The following AGBL4 variants were observed in gnomAD, a reference collection of about 807,000 sequenced individuals.
AGBL4 encodes the protein cytosolic carboxypeptidase 6.
A neutral mutation model predicts 66.4 loss-of-function variants in AGBL4; 58 were observed. That is an observed-to-expected ratio of 0.87 (90% CI 0.71 to 1.09). The LOEUF (loss-of-function observed/expected upper bound fraction) is 1.09. Ranked by LOEUF, AGBL4 falls within the 50% of genes least tolerant of loss-of-function variation. AGBL4 has a pLI of 0.00. For missense variants in AGBL4, 579 were observed against 631.0 expected, an observed-to-expected ratio of 0.92 and a Z score of 0.88; for synonymous variants, 234 against 222.9, an observed-to-expected ratio of 1.05 and a Z score of -0.44.
intron 3 of AGBL4, among the ~76,000 whole-genome samples, chr1:49,364,836 G>A (rs1277538996): frequency 4.6e-5 from 7 of 152,170 alleles, no homozygotes; most frequent in African/African-American, 1.7e-4. Context: ...GATAAATTAA[G>A]TAATTGCCAA....
intron 5 of AGBL4, among the ~76,000 whole-genome samples, chr1:48,907,850 G>A (rs1359762845): frequency 6.6e-6 from 1 of 152,160 alleles, no homozygotes; most frequent in Non-Finnish European, 1.5e-5. Context: ...CTGGAAGAGA[G>A]CTCAGAAGGG....
At chr1:49,291,641 T>C (rs1177301686) in intron 3 of AGBL4, among the ~76,000 whole-genome samples, 1 of 152,186 alleles carries the variant, frequency 6.6e-6, no homozygotes, top group Non-Finnish European at 1.5e-5. Flanking sequence ...TTAGAGAGTA[T>C]TAATTGGAAG....
At chr1:49,877,718 A>C (rs1647062848) in intron 1 of AGBL4, among the ~76,000 whole-genome samples, 1 of 151,694 alleles carries the variant, frequency 6.6e-6, no homozygotes, top group Admixed American at 6.6e-5. Flanking sequence ...TGATTGGAAT[A>C]GTTTCAGAAG....
At chr1:49,987,752 T>C (rs1348707855) in intron 1 of AGBL4, among the ~76,000 whole-genome samples, 6 of 151,944 alleles carry the variant, frequency 3.9e-5, no homozygotes, top group Non-Finnish European at 5.9e-5. Context: ...ATAAACTTTT[T>C]CACCCAATTT....
At position 48,748,794 on chromosome 1, in the gene AGBL4, C is replaced by T. The variant is rs186252554; in HGVS notation, c.635-85553G>A. 2.4e-3 allele frequency among the ~76,000 whole-genome samples: 359 copies of T among 151,904 alleles called. 3 individuals carry two copies. Among genetic ancestry groups the T allele is most frequent in the Non-Finnish European group, 3.6e-3 (242 of 67,986 alleles). On this transcript the variant is annotated intron_variant, in intron 6 of 13. Transcript: ENST00000371839. ...TCTGACTGGGGCTTTGATGGATGCGCGACATCTTGGGGAGGTGGGGGAGTA... is the reference window on the plus strand; with the variant it reads ...TCTGACTGGGGCTTTGATGGATGCGTGACATCTTGGGGAGGTGGGGGAGTA...
chr1:49,996,334 A>G (rs1203788182), intron 1 of AGBL4: 1 of 152,178 alleles, frequency 6.6e-6, no homozygotes, highest in East Asian at 1.9e-4. Context: ...ATATGGATGG[A>G]AAAATCCCCA....
At chr1:48,611,149 G>A (rs1465580810) in intron 9 of AGBL4, among the ~76,000 whole-genome samples, 4 of 152,206 alleles carry the variant, frequency 2.6e-5, no homozygotes, top group South Asian at 2.1e-4. Flanking sequence ...TGTGAAAAAC[G>A]GATAGGCCGC....
chr1:48,715,679 T>C (rs1367783921), intron 6 of AGBL4, among the ~76,000 whole-genome samples: 1 of 106,922 alleles, frequency 9.4e-6, no homozygotes. Flanking sequence ...ACAAATGCCT[T>C]TAACACAGTG....
chr1:49,148,743 C>A (rs1336799312), intron 4 of AGBL4, among the ~76,000 whole-genome samples: 1 of 152,172 alleles, frequency 6.6e-6, no homozygotes, highest in African/African-American at 2.4e-5. Context: ...CATATCTCAG[C>A]CCTCCTTTCT....
At chr1:49,894,268 G>C (rs1648950381) in intron 1 of AGBL4, among the ~76,000 whole-genome samples, 1 of 151,894 alleles carries the variant, frequency 6.6e-6, no homozygotes, top group African/African-American at 2.4e-5. Flanking sequence ...AATAAGCCTA[G>C]ATTGCAAAGA....
intron 4 of AGBL4, among the ~76,000 whole-genome samples, chr1:49,131,482 T>C (rs1645895179): frequency 6.6e-6 from 1 of 151,994 alleles, no homozygotes. Context: ...GAAGTAACAG[T>C]GTGATAACTG....
chr1:49,608,316 T>G (rs935528765), intron 3 of AGBL4, among the ~76,000 whole-genome samples: 5 of 152,318 alleles, frequency 3.3e-5, no homozygotes, highest in Middle Eastern at 3.4e-3. Flanking sequence ...ATTCTGAATT[T>G]TTTGTTTTAC....
chr1:49,980,615 CTGAG>C (rs1282457526), intron 1 of AGBL4, among the ~76,000 whole-genome samples: 1 of 152,090 alleles, frequency 6.6e-6, no homozygotes, highest in African/African-American at 2.4e-5. Flanking sequence ...CTTTCTAAGA[CTGAG>C]TAATATTCTA....
chr1:49,569,056 G>GAATGAAATCTTGTCATA (rs1553229299), intron 3 of AGBL4, among the ~76,000 whole-genome samples: 1 of 152,204 alleles, frequency 6.6e-6, no homozygotes, highest in Non-Finnish European at 1.5e-5. Flanking sequence ...CCATGAAAGA[G>GAATGAAATCTTGTCATA]AATGAAATCT....
intron 3 of AGBL4, among the ~76,000 whole-genome samples, chr1:49,498,765 G>A (rs1220420231): frequency 4.0e-5 from 6 of 151,824 alleles, no homozygotes; most frequent in Non-Finnish European, 8.8e-5. Flanking sequence ...CTTGTTGATG[G>A]TGTTTATCAT....
In AGBL4 at chr1:49,513,380, A is replaced by G. The variant is rs560312169; in HGVS notation, c.282+183933T>C. On this transcript the variant is annotated intron_variant, in intron 3 of 13. Coordinates refer to ENST00000371839, the MANE Select transcript of AGBL4 (RefSeq NM_032785.4). ...GGAATATGGATCCTGTCACCATGGTAGTATTGCCTGATATGTAGTTTTTTA... is the reference window on the plus strand; with the variant it reads ...GGAATATGGATCCTGTCACCATGGTGGTATTGCCTGATATGTAGTTTTTTA... Among the ~76,000 whole-genome samples the G allele has an allele frequency of 7.2e-5, 11 of 152,058 alleles. No individual in the cohort carries two copies. In the South Asian group the frequency reaches 1.9e-3, roughly 26 times the overall value.
At chr1:48,718,933 T>C (rs529887040) in intron 6 of AGBL4, among the ~76,000 whole-genome samples, 5 of 152,294 alleles carry the variant, frequency 3.3e-5, no homozygotes, top group African/African-American at 1.2e-4. Context: ...TGCCGTGGGA[T>C]GGGCACTTTA....
chr1:48,873,599 G>A (rs911948628), intron 5 of AGBL4, among the ~76,000 whole-genome samples: 1 of 152,080 alleles, frequency 6.6e-6, no homozygotes, highest in Admixed American at 6.6e-5. Flanking sequence ...CTGACCAACA[G>A]ATAATGCTCA....
intron 3 of AGBL4, among the ~76,000 whole-genome samples, chr1:49,323,821 C>T (rs535904779): frequency 1.3e-5 from 2 of 151,242 alleles, no homozygotes; most frequent in East Asian, 2.0e-4. Context: ...ACTTCTAGAT[C>T]CAGTTCAAAA....
Sources: gnomAD v4.1 joint callset for allele counts (sites outside exome capture counted in the v4.1 genomes callset) on GRCh38, gnomAD v4.1.1 for gene constraint, MANE v1.5 for transcripts, NCBI Gene and HGNC (gene_info 2026-07-23, HGNC 2026-07-21) for gene names.